The following ARHGEF12 variants were observed in gnomAD, a reference collection of about 807,000 sequenced individuals.
The protein encoded by ARHGEF12 is KMT2A/ARHGEF12 fusion protein.
In ARHGEF12, 66 loss-of-function variants were observed where a neutral mutation model predicts 211.2. That is an observed-to-expected ratio of 0.31 (90% CI 0.26 to 0.38). The LOEUF is 0.38. ARHGEF12 is among the 10% of genes least tolerant of loss of function. ARHGEF12 has a pLI of 1.00. For synonymous variants in ARHGEF12, 592 were observed against 638.4 expected (o/e 0.93, Z 1.09); for missense variants, 1,429 against 1,869.5 (o/e 0.76, Z 4.34).
At chr11:120,342,644 C>G (rs956417739) in intron 1 of ARHGEF12, among the ~76,000 whole-genome samples, 3 of 152,084 alleles carry the variant, frequency 2.0e-5, no homozygotes, top group Non-Finnish European at 4.4e-5. Context: ...CATTTTGATT[C>G]ACTTTTATTT....
At chr11:120,475,642 T>G in intron 33 of ARHGEF12, 135 bp downstream of exon 33, 4 of 925,522 alleles carry the variant, frequency 4.3e-6, no homozygotes, top group Non-Finnish European at 6.2e-6. Context: ...ACATGAAATT[T>G]ACTGCTTAGA....
intron 1 of ARHGEF12, among the ~76,000 whole-genome samples, chr11:120,385,044 T>C (rs1943988694): frequency 6.6e-6 from 1 of 152,112 alleles, no homozygotes; most frequent in South Asian, 2.1e-4. Flanking sequence ...AGAAGAAAAT[T>C]AGGGTTTTTT....
intron 22 of ARHGEF12, 187 bp from the exon 23 acceptor site, chr11:120,456,931 A>T: frequency 1.9e-6 from 1 of 532,938 alleles, no homozygotes; most frequent in Non-Finnish European, 3.3e-6. Context: ...CTGAGATGGG[A>T]GGATCATGTG....
intron 1 of ARHGEF12, among the ~76,000 whole-genome samples, chr11:120,376,850 G>A (rs1591518503): frequency 6.6e-6 from 1 of 152,194 alleles, no homozygotes; most frequent in East Asian, 1.9e-4. Context: ...GAGTTCAGAT[G>A]TTTTAATTTT....
chr11:120,457,809 CT>C, intron 24 of ARHGEF12, 53 bp downstream of exon 24: 3 of 1,557,452 alleles, frequency 1.9e-6, no homozygotes, highest in South Asian at 1.2e-5. Context: ...GAAACGTAAC[CT>C]TTTTTCCTCT....
intron 12 of ARHGEF12, among the ~76,000 whole-genome samples, chr11:120,437,723 G>A (rs1308644442): frequency 2.0e-5 from 3 of 152,088 alleles, no homozygotes; most frequent in Non-Finnish European, 4.4e-5. Flanking sequence ...TAAACACTAA[G>A]TCTACATTTC....
At chr11:120,419,772 A>C (rs796180255) in intron 4 of ARHGEF12, among the ~76,000 whole-genome samples, 1 of 152,182 alleles carries the variant, frequency 6.6e-6, no homozygotes, top group Admixed American at 6.5e-5. Flanking sequence ...GGCTTTTTGT[A>C]TAAAAATCTT....
intron 1 of ARHGEF12, among the ~76,000 whole-genome samples, chr11:120,387,656 T>A (rs1944080827): frequency 6.6e-6 from 1 of 152,158 alleles, no homozygotes; most frequent in Non-Finnish European, 1.5e-5. Flanking sequence ...TTATTGGTAG[T>A]ATAGAACTTG....
chr11:120,350,636 CTTTT>C (rs1466792011), intron 1 of ARHGEF12, among the ~76,000 whole-genome samples: 2 of 102,772 alleles, frequency 1.9e-5, no homozygotes, highest in Non-Finnish European at 4.9e-5. Context: ...CACATACTGT[CTTTT>C]TATGTTTTCC....
At position 120,446,652 on chromosome 11, in the gene ARHGEF12, G is replaced by A. The variant is rs1946056400; in HGVS notation, c.1451+144G>A. Reference sequence around the variant, plus strand: ...TATTAAAACATAATGAACATCTGGAGCCAAAGGGTTAGAGTGGAACTGAGA... The same window carrying A: ...TATTAAAACATAATGAACATCTGGAACCAAAGGGTTAGAGTGGAACTGAGA... On this transcript the variant is annotated intron_variant, in intron 17 of 40. Transcript: ENST00000397843. The A allele has an allele frequency of 4.2e-6, 3 of 715,358 alleles. No individual in the cohort carries two copies. In the South Asian group the frequency reaches 6.4e-5, roughly 15 times the overall value. The allele number at this position is 715,358 out of a possible 1,614,324, so 44.3% of individuals were successfully genotyped here.
At chr11:120,477,042 T>G in intron 34 of ARHGEF12, 177 bp from the exon 35 acceptor site, 1 of 632,762 alleles carries the variant, frequency 1.6e-6, no homozygotes, top group Non-Finnish European at 2.7e-6. Flanking sequence ...GCCTTAATAG[T>G]GTGTTGCCAA....
intron 1 of ARHGEF12, 30 bp from the exon 2 acceptor site, chr11:120,406,088 A>G (rs1565457716): frequency 1.3e-6 from 2 of 1,507,704 alleles, no homozygotes; most frequent in East Asian, 4.9e-5. Context: ...TAAAGTAACT[A>G]CATCTATCCT....
intron 12 of ARHGEF12, chr11:120,438,765 A>G (rs1316453175): frequency 1.3e-5 from 2 of 152,068 alleles, no homozygotes; most frequent in African/African-American, 4.8e-5. Flanking sequence ...TTCTTCCAAA[A>G]TTTTTATTCC....
rs762756815 is a variant in ARHGEF12, at chr11:120,429,451, T to C, written c.597T>C (p.Asn199=). The change falls in exon 9 of 41, where the codon AAT becomes AAC. Residue 199 remains asparagine (N), a synonymous_variant. Transcript: ENST00000397843. The part of the protein sequence containing the change: ...TSPVLMGEEN[N]VVHNQKVEIL... ...TTTTTCTTTTCTAGGAGGAAAACAA[T>C]GTGGTTCATAACCAGAAAGTAGAAA... 6.2e-7 allele frequency: 1 copy of C among 1,613,098 alleles called. No homozygotes were observed. The highest frequency in any genetic ancestry group is 1.1e-5 in the South Asian group (1 of 90,918).
intron 7 of ARHGEF12, among the ~76,000 whole-genome samples, chr11:120,425,776 A>AG (rs1491421098): frequency 6.7e-6 from 1 of 150,308 alleles, no homozygotes; most frequent in Non-Finnish European, 1.5e-5. Context: ...AAAAAAAAAA[A>AG]AGAGAGAGAC....
At chr11:120,434,349 G>A (rs901128367) in intron 11 of ARHGEF12, among the ~76,000 whole-genome samples, 1 of 152,162 alleles carries the variant, frequency 6.6e-6, no homozygotes, top group African/African-American at 2.4e-5. Flanking sequence ...GGAAACTGAG[G>A]CCAAATAAAT....
chr11:120,370,663 G>T (rs1356164922), intron 1 of ARHGEF12, among the ~76,000 whole-genome samples: 2 of 151,940 alleles, frequency 1.3e-5, no homozygotes, highest in Non-Finnish European at 2.9e-5. Flanking sequence ...ATTTATAATT[G>T]TATCCAAAAG....
Position 120,465,407 on chromosome 11 carries a change from T to TA in ARHGEF12, c.2739+46dup, listed in dbSNP as rs774918323. On this transcript the variant is annotated intron_variant, in intron 28 of 40. Coordinates refer to ENST00000397843, the MANE Select transcript of ARHGEF12 (RefSeq NM_015313.3). ...TAAGAAAAAAAATAAGGCAAGTTTTTATCAATTATCAGATAAACTGGGGGA... is the reference window on the plus strand; with the variant it reads ...TAAGAAAAAAAATAAGGCAAGTTTTTAATCAATTATCAGATAAACTGGGGGA... 8 of 1,607,622 alleles carry TA rather than the reference T, an allele frequency of 5.0e-6. No individual in the cohort carries two copies. In the African/African-American group the frequency reaches 6.7e-5, roughly 13 times the overall value.
intron 1 of ARHGEF12, among the ~76,000 whole-genome samples, chr11:120,386,070 C>T (rs1221582893): frequency 1.3e-5 from 2 of 152,036 alleles, no homozygotes; most frequent in Admixed American, 6.5e-5. Context: ...ATCCATGGCA[C>T]CAATCTTATC....
Sources: allele counts gnomAD v4.1 joint callset (sites outside exome capture counted in the v4.1 genomes callset), GRCh38; gene constraint gnomAD v4.1.1; transcripts MANE v1.5; gene names NCBI Gene and HGNC (gene_info 2026-07-23, HGNC 2026-07-21).